The following EYS variants were observed in gnomAD, a reference collection of about 807,000 sequenced individuals.
The protein encoded by EYS is protein eyes shut homolog.
A neutral mutation model predicts 282.1 loss-of-function variants in EYS; 250 were observed. The observed-to-expected ratio is 0.89, with a 90% CI of 0.80 to 0.98. EYS has a LOEUF of 0.98. Among genes scored for constraint, EYS ranks in the 50% least tolerant of loss-of-function variants. EYS has a pLI of 0.00. For synonymous variants in EYS, 1,355 were observed against 1,282.9 expected (o/e 1.06, Z -1.20); for missense variants, 4,016 against 3,709.0 (o/e 1.08, Z -2.15).
At chr6:65,073,777 A>C (rs1773968332) in intron 12 of EYS, among the ~76,000 whole-genome samples, 1 of 152,040 alleles carries the variant, frequency 6.6e-6, no homozygotes, top group African/African-American at 2.4e-5. Context: ...GTGTAAGATT[A>C]TATAATGCTG....
chr6:65,425,403 T>A (rs1040450742), intron 5 of EYS, among the ~76,000 whole-genome samples: 12 of 152,130 alleles, frequency 7.9e-5, no homozygotes, highest in Non-Finnish European at 1.3e-4. Flanking sequence ...TAGAGCATAT[T>A]AAAATGGTAC....
At chr6:64,670,553 C>G (rs1331497371) in intron 22 of EYS, among the ~76,000 whole-genome samples, 1 of 152,222 alleles carries the variant, frequency 6.6e-6, no homozygotes, top group South Asian at 2.1e-4. Context: ...GTTTACACTT[C>G]AAAACATAGA....
chr6:64,932,162 C>T (rs1298558032), intron 15 of EYS, among the ~76,000 whole-genome samples: 2 of 152,052 alleles, frequency 1.3e-5, no homozygotes, highest in East Asian at 3.9e-4. Flanking sequence ...CTCTCCCCAG[C>T]TCTTCAATGG....
At chr6:64,231,303 T>G (rs1766419900) in intron 30 of EYS, among the ~76,000 whole-genome samples, 1 of 152,264 alleles carries the variant, frequency 6.6e-6, no homozygotes, top group African/African-American at 2.4e-5. Flanking sequence ...CTAATTTTTT[T>G]TTTACAAATT....
At chr6:63,913,573 A>G (rs1346130467) in intron 35 of EYS, among the ~76,000 whole-genome samples, 1 of 152,212 alleles carries the variant, frequency 6.6e-6, no homozygotes, top group Admixed American at 6.5e-5. Flanking sequence ...TGAAAATGTC[A>G]TATAAATTGT....
intron 13 of EYS, among the ~76,000 whole-genome samples, chr6:65,053,623 G>A (rs184491583): frequency 6.6e-6 from 1 of 151,660 alleles, no homozygotes; most frequent in African/African-American, 2.4e-5. Context: ...TCTACACCAG[G>A]GGCCAGCAAA....
chr6:64,435,396 T>C (rs542826511), intron 28 of EYS, among the ~76,000 whole-genome samples: 1 of 151,752 alleles, frequency 6.6e-6, no homozygotes, highest in East Asian at 1.9e-4. Flanking sequence ...AACCTCTCAT[T>C]TAACTTTTTT....
chr6:64,719,317 T>C (rs1771497301), intron 22 of EYS, among the ~76,000 whole-genome samples: 1 of 152,196 alleles, frequency 6.6e-6, no homozygotes, highest in Non-Finnish European at 1.5e-5. Flanking sequence ...TTCTGGGATA[T>C]GTTTTAAACT....
At chr6:64,794,368 G>T (rs144349308) in intron 22 of EYS, among the ~76,000 whole-genome samples, 264 of 152,202 alleles carry the variant, frequency 1.7e-3, no homozygotes, top group African/African-American at 6.2e-3. Flanking sequence ...TGAGGGGCTT[G>T]GTGGGAGGTG....
At chr6:65,034,727 T>C (rs1256935226) in intron 13 of EYS, among the ~76,000 whole-genome samples, 3 of 152,092 alleles carry the variant, frequency 2.0e-5, no homozygotes, top group Non-Finnish European at 4.4e-5. Flanking sequence ...GTTAAACTTT[T>C]CTTCTTTATA....
chr6:65,622,673 T>C (rs1766553618), intron 2 of EYS, among the ~76,000 whole-genome samples: 1 of 152,152 alleles, frequency 6.6e-6, no homozygotes, highest in South Asian at 2.1e-4. Context: ...CTATCATTGT[T>C]AAGATTGTTG....
At chr6:65,163,497 A>G (rs1045039333) in intron 12 of EYS, among the ~76,000 whole-genome samples, 9 of 151,228 alleles carry the variant, frequency 6.0e-5, no homozygotes, top group Non-Finnish European at 1.3e-4. Flanking sequence ...TCACTCTTAA[A>G]GAAGGACATT....
At chr6:64,676,336 ATC>A (rs1338573566) in intron 22 of EYS, among the ~76,000 whole-genome samples, 10 of 146,294 alleles carry the variant, frequency 6.8e-5, no homozygotes, top group Non-Finnish European at 1.5e-4. Flanking sequence ...ATATCTATAT[ATC>A]TATATATATA....
Position 65,339,978 on chromosome 6 carries a change from C to A in EYS, c.1599+4060G>T, listed in dbSNP as rs768946889. Among the ~76,000 whole-genome samples, 8 of 151,042 alleles carry A rather than the reference C, an allele frequency of 5.3e-5. No homozygotes were observed. The Admixed American group carries it at 5.3e-4, about 10-fold the overall frequency. On this transcript the variant is annotated intron_variant, in intron 10 of 42. Transcript: ENST00000503581. ...GCAGGGGCCTGTAGGCAATAAGAAA[C>A]CTGTCTGAAGTTTAGTCAAGGTGAG...
At chr6:65,451,361 T>C (rs1399911781) in intron 5 of EYS, among the ~76,000 whole-genome samples, 1 of 152,102 alleles carries the variant, frequency 6.6e-6, no homozygotes, top group Non-Finnish European at 1.5e-5. Flanking sequence ...CTTTCATTTG[T>C]TTAATTCAAA....
intron 26 of EYS, among the ~76,000 whole-genome samples, chr6:64,549,473 A>G (rs938407492): frequency 6.6e-6 from 1 of 152,158 alleles, no homozygotes; most frequent in African/African-American, 2.4e-5. Context: ...AGGAAGATTA[A>G]CTGTGAGATG....
At chr6:64,236,091 C>T (rs1322337110) in intron 30 of EYS, among the ~76,000 whole-genome samples, 2 of 152,098 alleles carry the variant, frequency 1.3e-5, no homozygotes, top group Non-Finnish European at 2.9e-5. Context: ...ACTGGCAAAT[C>T]GAATCCAGCA....
intron 22 of EYS, among the ~76,000 whole-genome samples, chr6:64,634,796 T>C (rs1186474822): frequency 1.3e-5 from 2 of 152,226 alleles, no homozygotes; most frequent in Admixed American, 6.5e-5. Context: ...TTTTCTCTTC[T>C]ATATTCCACT....
intron 22 of EYS, among the ~76,000 whole-genome samples, chr6:64,642,887 G>A (rs775912656): frequency 2.6e-5 from 4 of 152,156 alleles, no homozygotes; most frequent in African/African-American, 4.8e-5. Context: ...AGGCTGAGGC[G>A]GACAGATGAC....
Sources: allele counts gnomAD v4.1 joint callset (sites outside exome capture counted in the v4.1 genomes callset), GRCh38; gene constraint gnomAD v4.1.1; transcripts MANE v1.5; gene names NCBI Gene and HGNC (gene_info 2026-07-23, HGNC 2026-07-21).